KAZN: variants seen among roughly 807,000 people sequenced by gnomAD.
KAZN encodes kazrin.
In KAZN, 40 loss-of-function variants were observed where a neutral mutation model predicts 87.4. The ratio of observed to expected loss-of-function variants is 0.46; its 90% CI spans 0.36 to 0.60. The LOEUF (loss-of-function observed/expected upper bound fraction) is 0.60. Ranked by LOEUF, KAZN falls within the 20% of genes least tolerant of loss-of-function variation. The pLI is 0.00. For missense variants in KAZN, 898 were observed against 1,073.9 expected, an observed-to-expected ratio of 0.84 and a Z score of 2.29; for synonymous variants, 466 against 458.3, an observed-to-expected ratio of 1.02 and a Z score of -0.22.
rs1474830854 is a variant in KAZN, at chr1:15,099,054, T to C, written c.1548-2489T>C. ...GGGCTCCTGACCCAGCATGACATCT[T>C]GGAAGGCTTCCGGGAGACCAGACGT... On this transcript the variant is annotated intron_variant, in intron 10 of 14. Coordinates refer to ENST00000376030, the MANE Select transcript of KAZN (RefSeq NM_201628.3). The surrounding 1 kb of genome is among the most constrained non-coding windows in gnomAD (Gnocchi z 5.4). Among the ~76,000 whole-genome samples, 2 of 152,126 alleles carry C rather than the reference T, an allele frequency of 1.3e-5. No individual in the cohort carries two copies. Among genetic ancestry groups the C allele is most frequent in the Non-Finnish European group, 2.9e-5 (2 of 68,010 alleles).
At chr1:14,731,152 C>T (rs72868412) in intron 1 of KAZN, among the ~76,000 whole-genome samples, 4 of 149,928 alleles carry the variant, frequency 2.7e-5, no homozygotes, top group African/African-American at 4.9e-5. Context: ...TTTACAATAC[C>T]ATCATGAGCA....
chr1:14,979,477 C>T (rs924563039), intron 2 of KAZN, among the ~76,000 whole-genome samples: 5 of 152,176 alleles, frequency 3.3e-5, no homozygotes, highest in South Asian at 2.1e-4. Context: ...ATCAATTGAT[C>T]GTGAGGTATT....
chr1:14,168,792 ACT>A (rs1170619975), intron 1 of KAZN, among the ~76,000 whole-genome samples: 9 of 152,174 alleles, frequency 5.9e-5, no homozygotes, highest in South Asian at 2.1e-4. Flanking sequence ...AACCATCGAG[ACT>A]CTGTTTCCTC....
intron 1 of KAZN, among the ~76,000 whole-genome samples, chr1:13,898,597 A>G (rs188840027): frequency 2.6e-4 from 40 of 152,326 alleles, no homozygotes; most frequent in Non-Finnish European, 5.4e-4. Context: ...GAGGACAGGA[A>G]GGTGACAGGA....
intron 2 of KAZN, among the ~76,000 whole-genome samples, chr1:14,328,447 T>A (rs951176554): frequency 3.3e-5 from 5 of 152,126 alleles, no homozygotes; most frequent in Admixed American, 2.6e-4. Context: ...CTGACGCCTG[T>A]AATCCCAACA....
intron 2 of KAZN, among the ~76,000 whole-genome samples, chr1:14,238,042 C>T (rs529279836): frequency 1.3e-5 from 2 of 152,208 alleles, no homozygotes; most frequent in African/African-American, 4.8e-5. Flanking sequence ...CATTTTTTAA[C>T]AGCTTTATTG....
At chr1:14,345,207 C>A (rs1658021921) in intron 2 of KAZN, among the ~76,000 whole-genome samples, 1 of 152,132 alleles carries the variant, frequency 6.6e-6, no homozygotes, top group African/African-American at 2.4e-5. Flanking sequence ...CATGAGCCAC[C>A]ACGCCAGGCC....
rs72639818 is a variant in KAZN, at chr1:14,996,467, G to C, written c.418+35592G>C. On this transcript the variant is annotated intron_variant, in intron 2 of 14. Transcript: ENST00000376030. This position sits in a 1 kb window ranked among gnomAD's most constrained non-coding sequence, Gnocchi z 5.9. ...CCCGGCACAGGGCCTGGCCTACAGT[G>C]GGTGCCCCAGGAATGTAGGGGGGAT... 7.3e-3 allele frequency among the ~76,000 whole-genome samples: 1,106 copies of C among 152,280 alleles called. 14 individuals carry two copies. Among genetic ancestry groups the C allele is most frequent in the Non-Finnish European group, 0.013 (854 of 68,014 alleles).
At chr1:14,569,413 C>G (rs1674729140) in intron 2 of KAZN, among the ~76,000 whole-genome samples, 1 of 146,226 alleles carries the variant, frequency 6.8e-6, no homozygotes, top group African/African-American at 2.6e-5. Flanking sequence ...ATCTCCGCCT[C>G]CCAGGTTCAC....
chr1:14,229,799 A>C (rs1163687682), intron 2 of KAZN, among the ~76,000 whole-genome samples: 1 of 152,262 alleles, frequency 6.6e-6, no homozygotes, highest in East Asian at 1.9e-4. Context: ...ATCTACAGGA[A>C]GATGTTCTGA....
chr1:14,623,878 T>C (rs1678905526), intron 1 of KAZN, among the ~76,000 whole-genome samples: 1 of 152,240 alleles, frequency 6.6e-6, no homozygotes, highest in African/African-American at 2.4e-5. Flanking sequence ...TCTGATTTTA[T>C]TCCCTTGTGG....
intron 2 of KAZN, among the ~76,000 whole-genome samples, chr1:14,419,494 C>T (rs1665175949): frequency 6.6e-6 from 1 of 152,210 alleles, no homozygotes; most frequent in African/African-American, 2.4e-5. Context: ...CTGGACTTAC[C>T]AGAGTGTTAG....
At chr1:14,931,133 A>G (rs947058297) in intron 1 of KAZN, among the ~76,000 whole-genome samples, 2 of 152,140 alleles carry the variant, frequency 1.3e-5, no homozygotes, top group African/African-American at 4.8e-5. Flanking sequence ...GCCAGATATG[A>G]AACCTTAGAA....
chr1:14,221,434 G>T (rs569278929), intron 2 of KAZN, among the ~76,000 whole-genome samples: 1 of 151,990 alleles, frequency 6.6e-6, no homozygotes, highest in African/African-American at 2.4e-5. Context: ...TTGCAATCAC[G>T]ATCCATGTAG....
At position 14,524,386 on chromosome 1, in the gene KAZN, G is replaced by A. The variant is rs188732478; in HGVS notation, c.250-74597G>A. Among the ~76,000 whole-genome samples the A allele has an allele frequency of 7.0e-3, 1,071 of 152,180 alleles. 9 individuals carry two copies. Among genetic ancestry groups the A allele is most frequent in the Non-Finnish European group, 0.012 (811 of 68,020 alleles). ...AGCATGGAGGCAGGGTCAGGGGTCT[G>A]GAGCCAATGACCCACATTCTAGACC... On this transcript the variant is annotated intron_variant, in intron 2 of 16. Coordinates refer to the KAZN transcript ENST00000636203.
chr1:15,000,702 C>T (rs1287241058), intron 2 of KAZN, among the ~76,000 whole-genome samples: 1 of 151,956 alleles, frequency 6.6e-6, no homozygotes, highest in Non-Finnish European at 1.5e-5. Flanking sequence ...CACAAAATTA[C>T]TCAGCCGTGT....
chr1:15,040,907 A>T (rs1319068935), intron 3 of KAZN, among the ~76,000 whole-genome samples: 1 of 152,084 alleles, frequency 6.6e-6, no homozygotes, highest in African/African-American at 2.4e-5. Flanking sequence ...GGCCACTTTC[A>T]TCTCACCACT....
intron 2 of KAZN, among the ~76,000 whole-genome samples, chr1:14,486,944 G>T (rs1338330954): frequency 6.6e-6 from 1 of 152,172 alleles, no homozygotes; most frequent in East Asian, 1.9e-4. Flanking sequence ...CATTCAGTGT[G>T]GTTTTGCTTG....
At chr1:14,600,968 A>T (rs1280870818) in intron 1 of KAZN, among the ~76,000 whole-genome samples, 2 of 152,200 alleles carry the variant, frequency 1.3e-5, no homozygotes, top group Non-Finnish European at 2.9e-5. Flanking sequence ...ATACTCGCGG[A>T]TGGTTAAATT....
Sources: gnomAD v4.1 joint callset for allele counts (sites outside exome capture counted in the v4.1 genomes callset) on GRCh38, gnomAD v4.1.1 for gene constraint, Gnocchi (gnomAD v3.1) non-coding constraint, MANE v1.5 for transcripts, NCBI Gene and HGNC (gene_info 2026-07-23, HGNC 2026-07-21) for gene names.